The following ZFHX3 variants were observed in gnomAD, a reference collection of about 807,000 sequenced individuals.
The protein encoded by ZFHX3 is zinc finger homeobox 3, also known as zinc finger homeobox protein 3.
Under a neutral mutation model 279.1 loss-of-function variants are expected in ZFHX3, and 42 were observed. The observed-to-expected ratio is 0.15, with a 90% CI of 0.12 to 0.19. ZFHX3 has a LOEUF of 0.19. ZFHX3 is among the 10% of genes least tolerant of loss of function. ZFHX3 has a pLI of 1.00. For synonymous variants in ZFHX3, 2,293 were observed against 1,957.8 expected, an observed-to-expected ratio of 1.17 and a Z score of -4.52; for missense variants, 4,981 against 4,754.0, an observed-to-expected ratio of 1.05 and a Z score of -1.40.
Position 73,306,742 on chromosome 16 carries a change from C to G in ZFHX3, c.-1194+11498G>C, listed in dbSNP as rs540238491. On this transcript the variant is annotated intron_variant, in intron 4 of 17. Transcript: ENST00000641206. ...ATCAAGGCCAATTTACCTCTGGGCC[C>G]AGCAGTGACAGGCTGCTAGACCCTC... 3.5e-4 allele frequency among the ~76,000 whole-genome samples: 53 copies of G among 152,268 alleles called. 1 individual carries two copies. In the South Asian group the frequency reaches 0.01, roughly 30 times the overall value.
chr16:73,583,238 A>C (rs2051880218), intron 2 of ZFHX3, among the ~76,000 whole-genome samples: 1 of 152,188 alleles, frequency 6.6e-6, no homozygotes, highest in South Asian at 2.1e-4. Context: ...TATAATATCT[A>C]TTCCAGATGA....
At chr16:73,766,951 TC>T (rs199625542) in intron 1 of ZFHX3, among the ~76,000 whole-genome samples, 2,448 of 80,538 alleles carry the variant, frequency 0.03, 79 homozygotes, top group African/African-American at 0.12. Flanking sequence ...TTTTTTTTTT[TC>T]CGAGATGGAG....
At chr16:73,616,959 G>A (rs563581585) in intron 2 of ZFHX3, among the ~76,000 whole-genome samples, 2 of 152,224 alleles carry the variant, frequency 1.3e-5, no homozygotes, top group East Asian at 3.9e-4. Flanking sequence ...TCTCTATAAC[G>A]GATGCTCAAG....
chr16:73,733,712 T>C (rs892152747), intron 1 of ZFHX3, among the ~76,000 whole-genome samples: 4 of 152,180 alleles, frequency 2.6e-5, no homozygotes, highest in African/African-American at 9.7e-5. Context: ...TTGTTCAACA[T>C]TAGTCAGAAA....
intron 1 of ZFHX3, among the ~76,000 whole-genome samples, chr16:72,979,015 T>C (rs752024672): frequency 2.0e-5 from 3 of 152,042 alleles, no homozygotes; most frequent in Non-Finnish European, 4.4e-5. Context: ...AGAGAACCAG[T>C]TGGTACCAAC....
intron 4 of ZFHX3, among the ~76,000 whole-genome samples, chr16:73,294,952 G>A (rs2014872852): frequency 6.6e-6 from 1 of 151,670 alleles, no homozygotes; most frequent in Admixed American, 6.6e-5. Flanking sequence ...GGTGACTCAC[G>A]CCTGTAATCC....
chr16:72,911,272 A>G (rs1442949768), intron 3 of ZFHX3, among the ~76,000 whole-genome samples: 2 of 152,222 alleles, frequency 1.3e-5, no homozygotes, highest in Non-Finnish European at 2.9e-5. Flanking sequence ...TTAATGAGGA[A>G]GTTAGCATAG....
chr16:73,290,639 G>C (rs1212789640), intron 4 of ZFHX3, among the ~76,000 whole-genome samples: 1 of 152,172 alleles, frequency 6.6e-6, no homozygotes, highest in Non-Finnish European at 1.5e-5. Flanking sequence ...TGGTGAGATG[G>C]GTTTCTTCTA....
At chr16:72,930,229 T>TA (rs1555531258) in intron 3 of ZFHX3, among the ~76,000 whole-genome samples, 1 of 150,636 alleles carries the variant, frequency 6.6e-6, no homozygotes, top group Non-Finnish European at 1.5e-5. Context: ...AATAGATAAA[T>TA]AAATAAAATA....
chr16:73,000,158 C>A (rs540856017), intron 1 of ZFHX3, among the ~76,000 whole-genome samples: 3 of 152,174 alleles, frequency 2.0e-5, no homozygotes, highest in Non-Finnish European at 2.9e-5. Context: ...AAGAACAGAG[C>A]AGGCACCACT....
At chr16:73,830,946 T>C (rs1960980028) in intron 1 of ZFHX3, among the ~76,000 whole-genome samples, 1 of 152,112 alleles carries the variant, frequency 6.6e-6, no homozygotes. Flanking sequence ...CCACATCAAT[T>C]GCACAGAAGA....
chr16:73,731,660 A>AGT, intron 1 of ZFHX3, among the ~76,000 whole-genome samples: 1 of 151,930 alleles, frequency 6.6e-6, no homozygotes, highest in Non-Finnish European at 1.5e-5. Flanking sequence ...AAAAAAACCC[A>AGT]TTCTGAACTC....
At chr16:73,421,076 C>G (rs1419986206) in intron 3 of ZFHX3, 1 of 152,144 alleles carries the variant, frequency 6.6e-6, no homozygotes, top group East Asian at 1.9e-4. Flanking sequence ...AAATCATTTA[C>G]ATCTTTTTGG....
rs567938051 is a variant in ZFHX3, at chr16:73,019,376, G to A, written c.-50+28376C>T. On this transcript the variant is annotated intron_variant, in intron 1 of 9. Coordinates refer to ENST00000268489, the MANE Select transcript of ZFHX3 (RefSeq NM_006885.4). ...TGTGTGTGTGTGTGTGTGCGTGTGCGTGTGCGTGTCTGCACGCGCACCTGA... is the reference window on the plus strand; with the variant it reads ...TGTGTGTGTGTGTGTGTGCGTGTGCATGTGCGTGTCTGCACGCGCACCTGA... 5.8e-4 allele frequency among the ~76,000 whole-genome samples: 89 copies of A among 152,144 alleles called. 1 individual carries two copies. The highest frequency in any genetic ancestry group is 4.1e-3 in the Admixed American group (62 of 15,286).
intron 1 of ZFHX3, among the ~76,000 whole-genome samples, chr16:72,982,285 C>CA (rs886680310): frequency 4.6e-5 from 7 of 152,272 alleles, no homozygotes; most frequent in South Asian, 4.2e-4. Context: ...ATAATTCATT[C>CA]AAACATCTGA....
chr16:73,352,477 T>TTTTC (rs1327605327), intron 3 of ZFHX3, among the ~76,000 whole-genome samples: 3 of 113,888 alleles, frequency 2.6e-5, no homozygotes, highest in African/African-American at 1.3e-4. Context: ...TCTCTCTCTT[T>TTTTC]TTTTTTTTTT....
intron 1 of ZFHX3, among the ~76,000 whole-genome samples, chr16:72,966,223 G>A (rs924157697): frequency 1.3e-5 from 2 of 152,086 alleles, no homozygotes; most frequent in African/African-American, 4.8e-5. Flanking sequence ...AGACTCGAGG[G>A]AACAATTAAA....
In ZFHX3 at chr16:72,785,802, G is replaced by C. The variant is rs1401889908; in HGVS notation, c.*1362C>G. 1 of 147,582 alleles carries C rather than the reference G, an allele frequency of 6.8e-6. No homozygotes were observed. The highest frequency in any genetic ancestry group is 2.0e-4 in the East Asian group (1 of 5,022). 9.1% of individuals were successfully genotyped at this position (147,582 alleles called of 1,614,324 possible). ...ATTTGAAGCTCCTACCAAACAAGGA[G>C]GAAAAGAAGGGGTACAAAGAAAAAA... On this transcript the variant is annotated 3_prime_UTR_variant, in exon 10 of 10. Coordinates refer to ENST00000268489, the MANE Select transcript of ZFHX3 (RefSeq NM_006885.4).
intron 1 of ZFHX3, chr16:73,006,126 G>GT (rs1162178335): frequency 1.3e-5 from 2 of 152,156 alleles, no homozygotes; most frequent in Non-Finnish European, 2.9e-5. Flanking sequence ...ATCCTGACCA[G>GT]TTCAATAAGG....
Sources: allele counts gnomAD v4.1 joint callset (sites outside exome capture counted in the v4.1 genomes callset), GRCh38; gene constraint gnomAD v4.1.1; transcripts MANE v1.5; gene names NCBI Gene and HGNC (gene_info 2026-07-23, HGNC 2026-07-21).